Variants in ZNF511 observed in about 807,000 individuals in gnomAD.
The protein encoded by ZNF511 is zinc finger protein 511.
Under a neutral mutation model 24.8 loss-of-function variants are expected in ZNF511, and 26 were observed. The observed-to-expected ratio is 1.05, with a 90% confidence interval of 0.77 to 1.46. The LOEUF (loss-of-function observed/expected upper bound fraction) is 1.46. ZNF511 is among the 40% of genes most tolerant of loss of function. The probability of loss-of-function intolerance (pLI) is 0.00; values close to 1 mark genes in which losing one functional copy is unlikely to be tolerated. For synonymous variants in ZNF511, 144 were observed against 139.6 expected (o/e 1.03, Z -0.22); for missense variants, 358 against 345.0 (o/e 1.04, Z -0.30).
Position 133,309,392 on chromosome 10 carries a change from T to G in ZNF511, c.156T>G (p.Asp52Glu). ...CCCACGGCGCACTTTTCCTGCAGGA[T>G]GGGGACGTGCAGCGCCACCTCTACC... ...RFPREHQFFE[D>E]GDVQRHLYLQ... The change falls in exon 2 of 6, where the codon GAT becomes GAG. Residue 52 changes from aspartate (D) to glutamate (E), a missense_variant and splice_region_variant. Physicochemically the swap from Asp to Glu is conservative, Grantham distance 45 (BLOSUM62 2). Coordinates refer to ENST00000361518, the MANE Select transcript of ZNF511 (RefSeq NM_145806.4). 2 of 1,611,380 alleles carry G rather than the reference T, an allele frequency of 1.2e-6. No individual in the cohort carries two copies. Among genetic ancestry groups the G allele is most frequent in the Non-Finnish European group, 1.7e-6 (2 of 1,179,446 alleles).
intron 5 of ZNF511, chr10:133,312,083 T>G (rs964802147): frequency 5.5e-6 from 8 of 1,457,380 alleles, no homozygotes; most frequent in African/African-American, 2.8e-5. Context: ...CCACTCACTT[T>G]TCCTCATTGT....
intron 5 of ZNF511, chr10:133,312,564 G>A: frequency 7.0e-7 from 1 of 1,426,892 alleles, no homozygotes; most frequent in Non-Finnish European, 9.1e-7. Context: ...CCTCTCTGCG[G>A]AGTTCTTCCC....
Position 133,310,178 on chromosome 10 carries a change from A to G in ZNF511, c.444A>G (p.Val148=). The change falls in exon 4 of 6, where the codon GTA becomes GTG. Residue 148 remains valine (V), a synonymous_variant. Transcript: ENST00000361518. Reference sequence around the variant, plus strand: ...CTCCATTTCAGTATCAGTGCTTGGTAGAAGGCTGCACAGAGAAGTTCAAGA... The same window carrying G: ...CTCCATTTCAGTATCAGTGCTTGGTGGAAGGCTGCACAGAGAAGTTCAAGA... ...SERQDMYQCL[V]EGCTEKFKTS... is the part of the protein sequence containing the mutation. The G allele has an allele frequency of 6.2e-7, 1 of 1,613,984 alleles. No homozygotes were observed. Among genetic ancestry groups the G allele is most frequent in the Admixed American group, 1.7e-5 (1 of 60,030 alleles).
rs566103780 is a variant in ZNF511 at position 133,310,779 on chromosome 10, A to C, written c.554+491A>C. ...ATTAACATGTTCCTGCCTAGAGTGC[A>C]CTCTGGGAAATACTTCCAGGAACAA... On this transcript the variant is annotated intron_variant, in intron 4 of 5. Coordinates refer to ENST00000361518, the MANE Select transcript of ZNF511 (RefSeq NM_145806.4). 3.3e-5 allele frequency among the ~76,000 whole-genome samples: 5 copies of C among 151,230 alleles called. No homozygotes were observed. The East Asian group carries it at 9.7e-4, about 29-fold the overall frequency.
At position 133,309,988 on chromosome 10, in the gene ZNF511, A is replaced by G; in HGVS notation, c.429+11A>G. The G allele has an allele frequency of 1.2e-6, 2 of 1,612,310 alleles. No homozygotes were observed. Among genetic ancestry groups the G allele is most frequent in the Non-Finnish European group, 1.7e-6 (2 of 1,179,806 alleles). Reference sequence around the variant, plus strand: ...GAGAGGCAGGACATGGTGGGTGACAACTGCACAGCCGCCGAGGCCACCCCC... The same window carrying G: ...GAGAGGCAGGACATGGTGGGTGACAGCTGCACAGCCGCCGAGGCCACCCCC... On this transcript the variant is annotated intron_variant, in intron 3 of 5. Coordinates refer to ENST00000361518, the MANE Select transcript of ZNF511 (RefSeq NM_145806.4).
At chr10:133,310,010 C>G (rs764393674) in intron 3 of ZNF511, 33 bp downstream of exon 3, 5 of 1,611,256 alleles carry the variant, frequency 3.1e-6, no homozygotes, top group Non-Finnish European at 4.2e-6. Flanking sequence ...CCGAGGCCAC[C>G]CCCCATTGGT....
rs200313469 is a variant in ZNF511, at chr10:133,310,153, C to T, written c.430-11C>T. The T allele has an allele frequency of 8.7e-6, 14 of 1,613,722 alleles. No homozygotes were observed. The highest frequency in any genetic ancestry group is 1.7e-4 in the Middle Eastern group (1 of 5,912). ...AGGGGTCAGAGGGAGGTGACACGGT[C>T]TCCATTTCAGTATCAGTGCTTGGTA... is the stretch of plus-strand genomic sequence containing the variant. On this transcript the variant is annotated splice_polypyrimidine_tract_variant and intron_variant, in intron 3 of 5. Transcript: ENST00000361518.
intron 5 of ZNF511, chr10:133,312,156 A>C: frequency 7.3e-7 from 1 of 1,378,282 alleles, no homozygotes; most frequent in Non-Finnish European, 9.5e-7. Flanking sequence ...CGTCTGCCTT[A>C]ATAGCATCAC....
chr10:133,312,554 CCT>C, intron 5 of ZNF511: 1 of 1,404,298 alleles, frequency 7.1e-7, no homozygotes, highest in Non-Finnish European at 9.2e-7. Context: ...CAGGAGCCGC[CCT>C]CTCTGCGGAG....
chr10:133,308,958 C>G lies in ZNF511; in HGVS notation c.15C>G (p.Pro5=), dbSNP rs1468048117. 5.7e-6 allele frequency: 7 copies of G among 1,238,486 alleles called. No homozygotes were observed. The highest frequency in any genetic ancestry group is 3.9e-5 in the South Asian group (1 of 25,496). 76.7% of individuals were successfully genotyped at this position (1,238,486 alleles called of 1,614,324 possible). Residue 5 remains proline (P), a synonymous_variant, in exon 1 of 6, where the codon CCC becomes CCG. Transcript: ENST00000361518. MQLP[P]ALCARLAAGP... Reference sequence around the variant, plus strand: ...CGCCCGGGGTGATGCAGTTGCCCCCCGCGCTGTGCGCCCGCCTCGCTGCGG... The same window carrying G: ...CGCCCGGGGTGATGCAGTTGCCCCCGGCGCTGTGCGCCCGCCTCGCTGCGG...
chr10:133,312,270 A>T, intron 5 of ZNF511: 1 of 1,311,182 alleles, frequency 7.6e-7, no homozygotes, highest in Admixed American at 3.7e-5. Flanking sequence ...CCTTTCTAGC[A>T]TGACCTGTAC....
intron 5 of ZNF511, chr10:133,312,453 G>A: frequency 1.6e-6 from 2 of 1,217,844 alleles, no homozygotes; most frequent in Non-Finnish European, 2.1e-6. Flanking sequence ...CTGGACTTTG[G>A]CCTGTGAATG....
intron 4 of ZNF511, among the ~76,000 whole-genome samples, chr10:133,310,920 G>C (rs1331108939): frequency 6.6e-6 from 1 of 151,936 alleles, no homozygotes; most frequent in Non-Finnish European, 1.5e-5. Flanking sequence ...TCCCACTTCA[G>C]CCTCCTAAAG....
chr10:133,308,997 G>A lies in ZNF511; in HGVS notation c.54G>A (p.Ala18=). ...GCCTCGCTGCGGGGCCCGGGGCGGC[G>A]GAGCCGCTGCCTGTAGAGCGGGATC... ...CARLAAGPGA[A]EPLPVERDPA... is the part of the protein sequence containing the mutation. The change falls in exon 1 of 6, where the codon GCG becomes GCA. Residue 18 remains alanine (A), a synonymous_variant. Transcript: ENST00000361518. The A allele has an allele frequency of 1.6e-6, 2 of 1,247,452 alleles. No individual in the cohort carries two copies. Among genetic ancestry groups the A allele is most frequent in the Non-Finnish European group, 2.0e-6 (2 of 988,518 alleles). The allele number at this position is 1,247,452 out of a possible 1,614,324, so 77.3% of individuals were successfully genotyped here. A position where few individuals can be genotyped will look rare whatever the true frequency, so the allele number is the denominator to read the frequency against.
intron 2 of ZNF511, 114 bp downstream of exon 2, chr10:133,309,577 GC>G (rs1457282988): frequency 7.5e-7 from 1 of 1,335,112 alleles, no homozygotes; most frequent in African/African-American, 1.4e-5. Context: ...CCACCGAGGC[GC>G]TGTGCCTGTC....
chr10:133,311,203 A>T (rs1166907494), intron 4 of ZNF511, among the ~76,000 whole-genome samples: 1 of 152,246 alleles, frequency 6.6e-6, no homozygotes, highest in Admixed American at 6.5e-5. Flanking sequence ...TTCAGACTCT[A>T]CATTTTCTCA....
intron 5 of ZNF511, chr10:133,312,579 G>T: frequency 2.1e-6 from 3 of 1,451,640 alleles, no homozygotes; most frequent in Non-Finnish European, 2.7e-6. Context: ...CTTCCCAGCG[G>T]GTGTGCGTTG....
At chr10:133,312,216 G>T in intron 5 of ZNF511, 1 of 1,381,890 alleles carries the variant, frequency 7.2e-7, no homozygotes, top group South Asian at 1.6e-5. Flanking sequence ...CGTTTCTAGC[G>T]TCACCTGTGC....
In ZNF511 at chr10:133,309,239, G is replaced by GACA. The variant is rs1203262674; in HGVS notation, c.153+143_153+144insACA. The GACA allele has an allele frequency of 1.4e-5, 14 of 973,518 alleles. No individual in the cohort carries two copies. The African/African-American group carries it at 3.5e-4, about 24-fold the overall frequency. The allele number at this position is 973,518 out of a possible 1,614,324, so 60.3% of individuals were successfully genotyped here. Reference sequence around the variant, plus strand: ...GGGACAGGCGGGACCTGAGGTGGTGGGGCGGGGCCGGAACGTGGAGTGGGC... The same window carrying GACA: ...GGGACAGGCGGGACCTGAGGTGGTGGACAGGCGGGGCCGGAACGTGGAGTGGGC... On this transcript the variant is annotated intron_variant, in intron 1 of 5. Coordinates refer to ENST00000361518, the MANE Select transcript of ZNF511 (RefSeq NM_145806.4).
Sources: gnomAD v4.1 joint callset for allele counts (sites outside exome capture counted in the v4.1 genomes callset) on GRCh38, gnomAD v4.1.1 for gene constraint, MANE v1.5 for transcripts, NCBI Gene and HGNC (gene_info 2026-07-23, HGNC 2026-07-21) for gene names.